The following FBXL7 variants were observed in gnomAD, a reference collection of about 807,000 sequenced individuals.
The protein encoded by FBXL7 is F-box and leucine rich repeat protein 7, also known as F-box/LRR-repeat protein 7.
FBXL7 carries 12 observed loss-of-function variants against 38.3 expected under a neutral mutation model. That is an observed-to-expected ratio of 0.31 (90% CI 0.20 to 0.51). The LOEUF is 0.51. Ranked by LOEUF, FBXL7 falls within the 20% of genes least tolerant of loss-of-function variation. FBXL7 has a pLI of 0.98. For synonymous variants in FBXL7, 297 were observed against 300.9 expected, an observed-to-expected ratio of 0.99 and a Z score of 0.13; for missense variants, 567 against 676.4, an observed-to-expected ratio of 0.84 and a Z score of 1.79.
At chr5:15,889,166 T>C (rs1740802491) in intron 2 of FBXL7, among the ~76,000 whole-genome samples, 1 of 152,128 alleles carries the variant, frequency 6.6e-6, no homozygotes, top group Admixed American at 6.5e-5. Context: ...AGGAAACTGG[T>C]ATGTGGCCAG....
intron 2 of FBXL7, among the ~76,000 whole-genome samples, chr5:15,618,933 G>A (rs1428075371): frequency 6.6e-6 from 1 of 152,166 alleles, no homozygotes; most frequent in African/African-American, 2.4e-5. Context: ...ATAGGCCTTA[G>A]AAAAGGAAAG....
At chr5:15,633,954 T>C (rs1460661260) in intron 2 of FBXL7, among the ~76,000 whole-genome samples, 1 of 151,318 alleles carries the variant, frequency 6.6e-6, no homozygotes, top group African/African-American at 2.4e-5. Flanking sequence ...CTAATTTTTG[T>C]ATTTTTAGTA....
intron 2 of FBXL7, among the ~76,000 whole-genome samples, chr5:15,632,826 A>G (rs764437080): frequency 2.0e-5 from 3 of 152,142 alleles, no homozygotes; most frequent in Admixed American, 6.5e-5. Context: ...GTACTCACGG[A>G]CATAAAGATG....
At chr5:15,581,381 C>T (rs1321999608) in intron 1 of FBXL7, among the ~76,000 whole-genome samples, 5 of 152,108 alleles carry the variant, frequency 3.3e-5, no homozygotes, top group African/African-American at 4.8e-5. Flanking sequence ...CCCTCACCCC[C>T]GGGCTGTGCC....
intron 1 of FBXL7, among the ~76,000 whole-genome samples, chr5:15,615,292 T>C (rs1007781452): frequency 6.6e-6 from 1 of 152,194 alleles, no homozygotes; most frequent in African/African-American, 2.4e-5. Flanking sequence ...GGATAATTCT[T>C]TCTTGTGGCG....
chr5:15,857,033 T>C (rs16867796), intron 2 of FBXL7, among the ~76,000 whole-genome samples: 8,075 of 152,256 alleles, frequency 0.053, 687 homozygotes, highest in African/African-American at 0.18. Flanking sequence ...CATTACATTA[T>C]AAACCATACT....
At chr5:15,608,590 CT>C (rs1182108206) in intron 1 of FBXL7, among the ~76,000 whole-genome samples, 2 of 152,062 alleles carry the variant, frequency 1.3e-5, no homozygotes, top group Non-Finnish European at 2.9e-5. Flanking sequence ...AATCAGTGGA[CT>C]TTAAGTAAAG....
intron 2 of FBXL7, among the ~76,000 whole-genome samples, chr5:15,732,778 A>G (rs2126665223): frequency 6.6e-6 from 1 of 152,330 alleles, no homozygotes; most frequent in Non-Finnish European, 1.5e-5. Context: ...TGCTGAAGTC[A>G]GATATAGAAA....
Position 15,661,272 on chromosome 5 carries a change from G to C in FBXL7, c.127+45200G>C, listed in dbSNP as rs190276265. On this transcript the variant is annotated intron_variant, in intron 2 of 3. Coordinates refer to ENST00000504595, the MANE Select transcript of FBXL7 (RefSeq NM_012304.5). ...ACTTGGATCCTGTGTCCATGGTAAA[G>C]TAATTTATTAGTTCTAATAGGTTTT... Among the ~76,000 whole-genome samples, 21 of 152,262 alleles carry C rather than the reference G, an allele frequency of 1.4e-4. No individual in the cohort carries two copies. The East Asian group carries it at 3.9e-3, about 28-fold the overall frequency.
At chr5:15,583,228 G>A (rs1431311350) in intron 1 of FBXL7, among the ~76,000 whole-genome samples, 1 of 152,078 alleles carries the variant, frequency 6.6e-6, no homozygotes, top group Non-Finnish European at 1.5e-5. Flanking sequence ...ACATGATCCA[G>A]TCACCTCCCA....
At chr5:15,561,862 C>T (rs544987462) in intron 1 of FBXL7, among the ~76,000 whole-genome samples, 1 of 152,212 alleles carries the variant, frequency 6.6e-6, no homozygotes, top group East Asian at 1.9e-4. Context: ...GGAGGCATCA[C>T]ATTTCTTGAT....
chr5:15,503,492 C>G (rs1047879444), intron 1 of FBXL7, among the ~76,000 whole-genome samples: 1 of 152,216 alleles, frequency 6.6e-6, no homozygotes, highest in Non-Finnish European at 1.5e-5. Flanking sequence ...CCATATTCAA[C>G]CAGTCATACA....
chr5:15,748,401 C>T (rs970479289), intron 2 of FBXL7, among the ~76,000 whole-genome samples: 3 of 152,198 alleles, frequency 2.0e-5, no homozygotes, highest in African/African-American at 7.2e-5. Context: ...ATAATCACCA[C>T]GTGTCAAGGG....
intron 2 of FBXL7, among the ~76,000 whole-genome samples, chr5:15,711,081 G>A (rs1743852412): frequency 6.6e-6 from 1 of 152,194 alleles, no homozygotes; most frequent in African/African-American, 2.4e-5. Flanking sequence ...TTTGTCTGCT[G>A]CCATGTGAGA....
intron 1 of FBXL7, among the ~76,000 whole-genome samples, chr5:15,501,979 T>G (rs1736502592): frequency 6.6e-6 from 1 of 151,936 alleles, no homozygotes; most frequent in Non-Finnish European, 1.5e-5. Context: ...GGCTGCCTTT[T>G]TAGATAGCAA....
chr5:15,662,787 T>C (rs1418111994), intron 2 of FBXL7, among the ~76,000 whole-genome samples: 1 of 152,216 alleles, frequency 6.6e-6, no homozygotes, highest in African/African-American at 2.4e-5. Context: ...TTTTGTCAGC[T>C]TTGTCAAAGA....
intron 2 of FBXL7, among the ~76,000 whole-genome samples, chr5:15,718,539 A>G (rs1744107059): frequency 6.6e-6 from 1 of 152,226 alleles, no homozygotes; most frequent in African/African-American, 2.4e-5. Flanking sequence ...CTGCCTGTTA[A>G]ATAAGCAAGG....
chr5:15,865,303 A>G (rs1183027121), intron 2 of FBXL7, among the ~76,000 whole-genome samples: 1 of 152,180 alleles, frequency 6.6e-6, no homozygotes, highest in African/African-American at 2.4e-5. Flanking sequence ...AAGGAGGTTG[A>G]ATGAGTACCA....
At chr5:15,923,997 G>A (rs1307274046) in intron 2 of FBXL7, among the ~76,000 whole-genome samples, 1 of 152,072 alleles carries the variant, frequency 6.6e-6, no homozygotes, top group African/African-American at 2.4e-5. Flanking sequence ...TGTCAGAGCT[G>A]AGAGCCTAGG....
Sources: gnomAD v4.1 joint callset for allele counts (sites outside exome capture counted in the v4.1 genomes callset) on GRCh38, gnomAD v4.1.1 for gene constraint, MANE v1.5 for transcripts, NCBI Gene and HGNC (gene_info 2026-07-23, HGNC 2026-07-21) for gene names.